The following OR4K1 variants were observed in gnomAD, a reference collection of about 807,000 sequenced individuals.
The protein encoded by OR4K1 is olfactory receptor 4K1.
Under a neutral mutation model 14.4 loss-of-function variants are expected in OR4K1, and 16 were observed. The ratio of observed to expected loss-of-function variants is 1.11; its 90% CI spans 0.75 to 1.68. The LOEUF (loss-of-function observed/expected upper bound fraction) is 1.68, where lower values mean the gene tolerates loss of function less well. Among genes scored for constraint, OR4K1 ranks in the 40% most tolerant of loss-of-function variants. The pLI is 0.00. For missense variants in OR4K1, 548 were observed against 376.9 expected (o/e 1.45, Z -3.76); for synonymous variants, 181 against 133.1 (o/e 1.36, Z -2.48).
chr14:19,928,463 C>T (rs550904244), upstream of OR4K1, among the ~76,000 whole-genome samples: 1 of 152,266 alleles, frequency 6.6e-6, no homozygotes, highest in Admixed American at 6.5e-5. Flanking sequence ...CAATGTGTCG[C>T]TAATTCATGT....
chr14:19,923,679 T>A, the OR4K1 span, among the ~76,000 whole-genome samples: 2 of 152,226 alleles, frequency 1.3e-5, no homozygotes, highest in Non-Finnish European at 2.9e-5. Context: ...GATGTGCATT[T>A]AGAGAAAATT....
upstream of OR4K1, among the ~76,000 whole-genome samples, chr14:19,929,086 CACGT>C (rs1882125393): frequency 2.6e-5 from 4 of 151,904 alleles, no homozygotes; most frequent in South Asian, 8.3e-4. Context: ...AAAAAATCTT[CACGT>C]GCTTTTTTCT....
At chr14:19,929,950 T>A (rs1882149910), upstream of OR4K1, among the ~76,000 whole-genome samples, 1 of 152,248 alleles carries the variant, frequency 6.6e-6, no homozygotes, top group Non-Finnish European at 1.5e-5. Context: ...CTTTAATTCA[T>A]AAGTGTGTCC....
chr14:19,930,785 C>G (rs1294467109), upstream of OR4K1: 1 of 152,242 alleles, frequency 6.6e-6, no homozygotes, highest in Non-Finnish European at 1.5e-5. Context: ...CATAATTACT[C>G]CCACTGGAAA....
chr14:19,936,506 C>T lies in OR4K1; in HGVS notation c.840C>T (p.Pro280=), dbSNP rs1882329429. The change falls in exon 2 of 2, where the codon CCC becomes CCT. Residue 280 remains proline, a synonymous_variant. Transcript: ENST00000641172. ...FLSVFYTVCT[P]LLNPIIYSLR... ...CTGTGTTCTACACTGTTTGTACTCC[C>T]TTGTTGAACCCCATCATCTACTCTC... 5.0e-6 allele frequency: 8 copies of T among 1,613,816 alleles called. No homozygotes were observed. The highest frequency in any genetic ancestry group is 6.8e-6 in the Non-Finnish European group (8 of 1,180,000).
chr14:19,931,169 A>C (rs562220909), intron 1 of OR4K1, 24 bp downstream of exon 1: 1 of 152,406 alleles, frequency 6.6e-6, no homozygotes, highest in African/African-American at 2.4e-5. Flanking sequence ...ATTCATTGTG[A>C]ACATATTGTT....
rs1346188640 is a variant in OR4K1, at chr14:19,936,059, C to T, written c.393C>T (p.His131=). 1 of 1,614,126 alleles carries T rather than the reference C, an allele frequency of 6.2e-7. No homozygotes were observed. Among genetic ancestry groups the T allele is most frequent in the Non-Finnish European group, 8.5e-7 (1 of 1,180,052 alleles). ...TTATAGCCATATGTAAGCCTCTGCA[C>T]TACAGTACAATTATGAACCGGAGGC... ...DRFIAICKPL[H]YSTIMNRRLC... The change falls in exon 2 of 2, where the codon CAC becomes CAT. Residue 131 remains histidine, a synonymous_variant. Coordinates refer to ENST00000641172, the MANE Select transcript of OR4K1 (RefSeq NM_001004063.3).
At chr14:19,930,792 G>A (rs957889294), upstream of OR4K1, 2 of 152,226 alleles carry the variant, frequency 1.3e-5, no homozygotes, top group Non-Finnish European at 2.9e-5. Flanking sequence ...ACTCCCACTG[G>A]AAAGTGACCT....
upstream of OR4K1, among the ~76,000 whole-genome samples, chr14:19,926,616 T>C (rs1258458770): frequency 1.3e-5 from 2 of 152,240 alleles, no homozygotes; most frequent in African/African-American, 2.4e-5. Flanking sequence ...TCTCTCAAGA[T>C]CATTGAATGT....
Position 19,936,100 on chromosome 14 carries a change from T to G in OR4K1, c.434T>G (p.Val145Gly). The part of the protein sequence containing the change: ...IMNRRLCVIF[V>G]SISWAVGVLH... ...AACCGGAGGCTCTGTGTAATTTTTG[T>G]GTCTATTTCCTGGGCGGTGGGCGTT... The change falls in exon 2 of 2, where the codon GTG (valine) becomes GGG (glycine). Residue 145 changes from valine to glycine, a missense_variant. Transcript: ENST00000641172. 1 of 1,614,262 alleles carries G rather than the reference T, an allele frequency of 6.2e-7. No individual in the cohort carries two copies. The highest frequency in any genetic ancestry group is 8.5e-7 in the Non-Finnish European group (1 of 1,180,030).
chr14:19,921,526 G>A, the OR4K1 span: 1 of 1,613,524 alleles, frequency 6.2e-7, no homozygotes, highest in Non-Finnish European at 8.5e-7. Flanking sequence ...CATTACCTGA[G>A]GCCAAGGAGA....
chr14:19,921,133 G>A, the OR4K1 span: 1 of 1,614,160 alleles, frequency 6.2e-7, no homozygotes, highest in Non-Finnish European at 8.5e-7. Flanking sequence ...GTAGTAGACA[G>A]CTTTTTTTGT....
chr14:19,924,306 A>G, the OR4K1 span, among the ~76,000 whole-genome samples: 14 of 148,806 alleles, frequency 9.4e-5, no homozygotes, highest in African/African-American at 3.5e-4. Context: ...AGGCTGAGGC[A>G]GGAGAATCGC....
rs34608158 is a variant in OR4K1, at chr14:19,936,455, C to A, written c.789C>A (p.Ser263Arg). The change falls in exon 2 of 2, where the codon AGC becomes AGA. Residue 263 changes from serine to arginine, a missense_variant. By Grantham distance (110) the Ser-to-Arg change is moderately radical. Coordinates refer to ENST00000641172, the MANE Select transcript of OR4K1 (RefSeq NM_001004063.3). ...PCIYFYIWPF[S>R]RLPVDKFLSV... Reference sequence around the variant, plus strand: ...TTTATTTCTATATATGGCCTTTTAGCAGACTTCCTGTGGACAAATTTCTTT... The same window carrying A: ...TTTATTTCTATATATGGCCTTTTAGAAGACTTCCTGTGGACAAATTTCTTT... 406,951 of 1,552,666 alleles carry A rather than the reference C, an allele frequency of 0.26. 35,380 individuals are homozygous for A. The highest frequency in any genetic ancestry group is 0.28 in the Non-Finnish European group (322,873 of 1,135,578).
intron 1 of OR4K1, among the ~76,000 whole-genome samples, chr14:19,934,200 A>C (rs1176278412): frequency 6.6e-6 from 1 of 152,252 alleles, no homozygotes; most frequent in Non-Finnish European, 1.5e-5. Flanking sequence ...CACAGAGCTA[A>C]GGTCAAAAAT....
upstream of OR4K1, among the ~76,000 whole-genome samples, chr14:19,927,281 C>T (rs1405915741): frequency 6.6e-6 from 1 of 152,270 alleles, no homozygotes; most frequent in Non-Finnish European, 1.5e-5. Flanking sequence ...TTACTACTCA[C>T]TCAGATGACC....
At chr14:19,920,452 T>C in the OR4K1 span, 7 of 833,638 alleles carry the variant, frequency 8.4e-6, no homozygotes, top group Non-Finnish European at 1.3e-5. Context: ...AGACATACTA[T>C]TATGGCCTCT....
intron 1 of OR4K1, 150 bp from the exon 2 acceptor site, chr14:19,935,498 A>G (rs1882284147): frequency 6.5e-6 from 4 of 619,754 alleles, no homozygotes; most frequent in Non-Finnish European, 1.1e-5. Context: ...GTTAAATATT[A>G]GTCAACTGAG....
At chr14:19,920,842 C>T in the OR4K1 span, 5 of 1,614,096 alleles carry the variant, frequency 3.1e-6, no homozygotes, top group African/African-American at 2.7e-5. Flanking sequence ...TTTGCTACCC[C>T]TAAAATGATT....
Sources: gnomAD v4.1 joint callset for allele counts (sites outside exome capture counted in the v4.1 genomes callset) on GRCh38, gnomAD v4.1.1 for gene constraint, MANE v1.5 for transcripts, NCBI Gene and HGNC (gene_info 2026-07-23, HGNC 2026-07-21) for gene names.